The following ARHGAP30 variants were observed in gnomAD, a reference collection of about 807,000 sequenced individuals.
ARHGAP30 encodes the protein Rho GTPase activating protein 30.
ARHGAP30 carries 23 observed loss-of-function variants against 72.0 expected under a neutral mutation model. The ratio of observed to expected loss-of-function variants is 0.32; its 90% CI spans 0.23 to 0.45. The LOEUF (loss-of-function observed/expected upper bound fraction) is 0.45, where lower values mean the gene tolerates loss of function less well. Among genes scored for constraint, ARHGAP30 ranks in the 20% least tolerant of loss-of-function variants. The pLI is 1.00. For synonymous variants in ARHGAP30, 576 were observed against 528.2 expected (o/e 1.09, Z -1.24); for missense variants, 1,319 against 1,383.4 (o/e 0.95, Z 0.74).
chr1:161,060,183 A>G (rs1469056034), intron 1 of ARHGAP30: 1 of 451,130 alleles, frequency 2.2e-6, no homozygotes, highest in South Asian at 1.6e-5. Flanking sequence ...CAGGAGGCTG[A>G]TATGGGAGGA....
rs1410919319 is a variant in ARHGAP30, at chr1:161,049,199, CTTCCTCCCCATT to C, written c.1810_1821del (p.Asn604_Glu607del). 3 of 1,614,028 alleles carry C rather than the reference CTTCCTCCCCATT, an allele frequency of 1.9e-6. No homozygotes were observed. The highest frequency in any genetic ancestry group is 2.7e-5 in the African/African-American group (2 of 74,916). ...AGGTCATCATAGGCACTCAGGAAAA[CTTCCTCCCCATT>C]TTCCTCCTCAACTTCAGGCCTGGGG... On this transcript the variant is annotated inframe_deletion, in exon 12 of 12. Transcript: ENST00000368013.
chr1:161,057,241 G>A (rs944923275), intron 2 of ARHGAP30, among the ~76,000 whole-genome samples: 15 of 150,626 alleles, frequency 1.0e-4, no homozygotes, highest in Non-Finnish European at 7.4e-5. Flanking sequence ...TGCAGCCTCC[G>A]CCTCCCAGGT....
intron 1 of ARHGAP30, among the ~76,000 whole-genome samples, chr1:161,068,313 A>G (rs560706540): frequency 6.6e-6 from 1 of 152,314 alleles, no homozygotes; most frequent in South Asian, 2.1e-4. Context: ...CAGTGAGAAG[A>G]GGAAGGCTCA....
At chr1:161,059,563 C>G in intron 2 of ARHGAP30, 51 bp downstream of exon 2, 1 of 1,508,126 alleles carries the variant, frequency 6.6e-7, no homozygotes. Flanking sequence ...CTGTGACCTT[C>G]TGGCTCCCTG....
At chr1:161,067,024 T>G (rs1557937593) in intron 1 of ARHGAP30, among the ~76,000 whole-genome samples, 1 of 152,034 alleles carries the variant, frequency 6.6e-6, no homozygotes, top group African/African-American at 2.4e-5. Flanking sequence ...ATTTTGAACC[T>G]CCAGAGTCCT....
chr1:161,052,982 C>A (rs961392168), intron 6 of ARHGAP30, 185 bp from the exon 7 acceptor site: 1 of 926,808 alleles, frequency 1.1e-6, no homozygotes, highest in South Asian at 1.8e-5. Context: ...CTGGGAGATC[C>A]GAGAACGTTG....
At position 161,047,966 on chromosome 1, in the gene ARHGAP30, G is replaced by C. The variant is rs1294440317; in HGVS notation, c.3055C>G (p.Gln1019Glu). 1 of 1,614,114 alleles carries C rather than the reference G, an allele frequency of 6.2e-7. No individual in the cohort carries two copies. Among genetic ancestry groups the C allele is most frequent in the Admixed American group, 1.7e-5 (1 of 59,998 alleles). Residue 1019 changes from glutamine (Q) to glutamate (E), a missense_variant, in exon 12 of 12, where the codon CAG becomes GAG. Coordinates refer to ENST00000368013, the MANE Select transcript of ARHGAP30 (RefSeq NM_001025598.2). ...RTEAQGVRRT[Q>E]TCTEGGDYCL... ...TAATCCCCACCCTCAGTACAGGTCT[G>C]GGTTCGCCGAACTCCTTGAGCCTCA... is the stretch of plus-strand genomic sequence containing the variant.
chr1:161,054,780 C>G, intron 3 of ARHGAP30, 75 bp from the exon 4 acceptor site: 3 of 1,343,660 alleles, frequency 2.2e-6, no homozygotes, highest in Admixed American at 3.4e-5. Context: ...AGCTTGTAAC[C>G]AAGTTCTCAG....
intron 1 of ARHGAP30, 49 bp from the exon 2 acceptor site, chr1:161,059,765 G>C: frequency 6.7e-7 from 1 of 1,501,084 alleles, no homozygotes; most frequent in Non-Finnish European, 9.2e-7. Flanking sequence ...GATCTGGGTG[G>C]TCAAAGACTG....
chr1:161,062,196 C>T (rs1652360484), intron 1 of ARHGAP30, among the ~76,000 whole-genome samples: 1 of 152,154 alleles, frequency 6.6e-6, no homozygotes, highest in African/African-American at 2.4e-5. Context: ...GCCTCGCATA[C>T]ACCCCACTCT....
intron 1 of ARHGAP30, among the ~76,000 whole-genome samples, chr1:161,066,244 G>A (rs1326790400): frequency 6.7e-6 from 1 of 149,670 alleles, no homozygotes; most frequent in Admixed American, 6.8e-5. Context: ...CAGGAGTTGG[G>A]TGGGATTAGG....
chr1:161,056,412 A>C lies in ARHGAP30; in HGVS notation c.321T>G (p.Thr107=). 1 of 1,613,952 alleles carries C rather than the reference A, an allele frequency of 6.2e-7. No individual in the cohort carries two copies. The highest frequency in any genetic ancestry group is 8.5e-7 in the Non-Finnish European group (1 of 1,179,930). The change falls in exon 3 of 12, where the codon ACT becomes ACG. Residue 107 remains threonine, a synonymous_variant. Coordinates refer to ENST00000368013, the MANE Select transcript of ARHGAP30 (RefSeq NM_001025598.2). ...YFRELPDPLL[T]YRLYDKFAEA... The stretch of plus-strand genomic sequence containing the variant: ...CAGCAAACTTGTCATAGAGCCGGTA[A>C]GTGAGCAGGGGATCCGGCAGTTCTC...
intron 1 of ARHGAP30, among the ~76,000 whole-genome samples, chr1:161,062,419 T>G (rs1652376957): frequency 6.6e-6 from 1 of 151,972 alleles, no homozygotes; most frequent in African/African-American, 2.4e-5. Context: ...CCTGGTGAAC[T>G]TCTATGCATT....
chr1:161,063,731 G>A (rs1050594604), intron 1 of ARHGAP30, among the ~76,000 whole-genome samples: 3 of 152,192 alleles, frequency 2.0e-5, no homozygotes, highest in East Asian at 1.9e-4. Context: ...GAGAAATATC[G>A]CTGAATTCTT....
rs376993668 is a variant in ARHGAP30, at chr1:161,069,565, G to A, written c.60C>T (p.Cys20=). 65 of 1,611,246 alleles carry A rather than the reference G, an allele frequency of 4.0e-5. 2 individuals carry two copies. Among genetic ancestry groups the A allele is most frequent in the African/African-American group, 2.3e-4 (17 of 74,890 alleles). ...KGSAKERVFG[C]DLQEHLQHSG... ...AGTGCTGCAGGTGCTCCTGCAAGTCGCACCCAAAAACCCGCTCCTTTGCGC... is the reference window on the plus strand; with the variant it reads ...AGTGCTGCAGGTGCTCCTGCAAGTCACACCCAAAAACCCGCTCCTTTGCGC... The change falls in exon 1 of 12, where the codon TGC becomes TGT. Residue 20 remains cysteine, a synonymous_variant. Transcript: ENST00000368013. This position sits in a 1 kb window ranked among gnomAD's most constrained non-coding sequence, Gnocchi z 4.9.
chr1:161,053,654 A>T (rs901241636), intron 5 of ARHGAP30, among the ~76,000 whole-genome samples: 22 of 152,178 alleles, frequency 1.4e-4, no homozygotes, highest in African/African-American at 5.3e-4. Context: ...CAGGGTGTCT[A>T]GTTTATAATG....
At chr1:161,055,691 G>A (rs1403370950) in intron 3 of ARHGAP30, among the ~76,000 whole-genome samples, 1 of 151,580 alleles carries the variant, frequency 6.6e-6, no homozygotes, top group Non-Finnish European at 1.5e-5. Context: ...GGCTGAGGCA[G>A]GAGAATCACT....
At chr1:161,052,951 T>C (rs1651525924) in intron 6 of ARHGAP30, 154 bp from the exon 7 acceptor site, 2 of 1,035,450 alleles carry the variant, frequency 1.9e-6, no homozygotes, top group South Asian at 1.7e-5. Context: ...CTCAAAAGAG[T>C]GCCCTCATGG....
At position 161,047,179 on chromosome 1, in the gene ARHGAP30, C is replaced by T. The variant is rs34040837; in HGVS notation, c.*536G>A. 15 of 261,528 alleles carry T rather than the reference C, an allele frequency of 5.7e-5. No homozygotes were observed. In the East Asian group the frequency reaches 2.0e-3, roughly 36 times the overall value. The allele number at this position is 261,528 out of a possible 1,614,324, so 16.2% of individuals were successfully genotyped here. ...GGAGCTGGAGAGGAGTCCAGTCCCT[C>T]CAACAAATATTGAGGGCTTCAAAGA... is the stretch of plus-strand genomic sequence containing the variant. On this transcript the variant is annotated 3_prime_UTR_variant, in exon 12 of 12. Coordinates refer to ENST00000368013, the MANE Select transcript of ARHGAP30 (RefSeq NM_001025598.2).
Sources: allele counts gnomAD v4.1 joint callset (sites outside exome capture counted in the v4.1 genomes callset), GRCh38; gene constraint gnomAD v4.1.1; non-coding constraint Gnocchi (gnomAD v3.1); transcripts MANE v1.5; gene names NCBI Gene and HGNC (gene_info 2026-07-23, HGNC 2026-07-21).